NTRK3: variants seen among roughly 807,000 people sequenced by gnomAD.
NTRK3 encodes the protein NT-3 growth factor receptor.
NTRK3 carries 24 observed loss-of-function variants against 91.7 expected under a neutral mutation model. The ratio of observed to expected loss-of-function variants is 0.26; its 90% CI spans 0.19 to 0.37. The LOEUF is 0.37. Ranked by LOEUF, NTRK3 falls within the 10% of genes least tolerant of loss-of-function variation. The pLI, the probability that NTRK3 is intolerant of heterozygous loss-of-function variation, is 1.00. For missense variants in NTRK3, 880 were observed against 1,068.9 expected, an observed-to-expected ratio of 0.82 and a Z score of 2.46; for synonymous variants, 483 against 404.0, an observed-to-expected ratio of 1.20 and a Z score of -2.34.
intron 5 of NTRK3, among the ~76,000 whole-genome samples, chr15:88,177,999 G>C (rs2151564274): frequency 6.6e-6 from 1 of 152,286 alleles, no homozygotes; most frequent in East Asian, 1.9e-4. Flanking sequence ...AAAGATCTAG[G>C]ATTTGAACCC....
At position 88,059,049 on chromosome 15, in the gene NTRK3, A is replaced by AACACACAC. The variant is rs56706510; in HGVS notation, c.1397-26012_1397-26005dup. ...GGCCCCTTTATTTCACTCACACACAAACACACACACACACACACACACACA... is the reference window on the plus strand; with the variant it reads ...GGCCCCTTTATTTCACTCACACACAAACACACACACACACACACACACACACACACACA... On this transcript the variant is annotated intron_variant, in intron 13 of 18. Coordinates refer to ENST00000394480, the Ensembl canonical transcript of NTRK3. Among the ~76,000 whole-genome samples the AACACACAC allele has an allele frequency of 5.1e-3, 741 of 144,712 alleles. 8 individuals are homozygous for AACACACAC. Among genetic ancestry groups the AACACACAC allele is most frequent in the African/African-American group, 0.018 (696 of 38,950 alleles). 94.9% of individuals were successfully genotyped at this position (144,712 alleles called of 152,430 possible).
intron 5 of NTRK3, among the ~76,000 whole-genome samples, chr15:88,178,444 A>G (rs996011998): frequency 6.6e-6 from 1 of 152,192 alleles, no homozygotes; most frequent in African/African-American, 2.4e-5. Context: ...CTTTGCAAAC[A>G]TAACACAGTT....
At chr15:88,105,798 G>A (rs1307133673) in intron 13 of NTRK3, among the ~76,000 whole-genome samples, 4 of 152,122 alleles carry the variant, frequency 2.6e-5, no homozygotes, top group South Asian at 2.1e-4. Context: ...CATGGACCAC[G>A]TGGAGTCCCT....
At chr15:87,906,050 C>A (rs1035479848) in intron 17 of NTRK3, among the ~76,000 whole-genome samples, 1 of 152,200 alleles carries the variant, frequency 6.6e-6, no homozygotes, top group African/African-American at 2.4e-5. Context: ...CCAGTGAGTC[C>A]TTTTCTTACT....
At position 88,056,198 on chromosome 15, in the gene NTRK3, ATATATTTT is replaced by A. The variant is rs1320596778; in HGVS notation, c.1397-23161_1397-23154del. On this transcript the variant is annotated intron_variant, in intron 13 of 18. Transcript: ENST00000394480. ...TTCATATATATATATATATATATAT[ATATATTTT>A]TTTTTTAATGTAGAACCTTGATCAT... Among the ~76,000 whole-genome samples the A allele has an allele frequency of 7.0e-3, 680 of 96,808 alleles. 10 individuals are homozygous for A. Among genetic ancestry groups the A allele is most frequent in the African/African-American group, 0.024 (622 of 25,474 alleles). 63.5% of individuals were successfully genotyped at this position (96,808 alleles called of 152,430 possible). A position where few individuals can be genotyped will look rare whatever the true frequency, so the allele number is the denominator to read the frequency against.
At chr15:88,140,745 T>C (rs1450075497) in intron 6 of NTRK3, among the ~76,000 whole-genome samples, 1 of 152,242 alleles carries the variant, frequency 6.6e-6, no homozygotes, top group Non-Finnish European at 1.5e-5. Context: ...GGCTCAGTGT[T>C]ACTATGAAAA....
At chr15:88,134,157 G>C (rs7165979) in intron 10 of NTRK3, among the ~76,000 whole-genome samples, 47,247 of 152,070 alleles carry the variant, frequency 0.31, 7,739 homozygotes, top group African/African-American at 0.42. Flanking sequence ...CTGATTCCTA[G>C]GGATTGAAGA....
intron 13 of NTRK3, among the ~76,000 whole-genome samples, chr15:88,102,943 C>A (rs554893542): frequency 2.0e-5 from 3 of 152,274 alleles, no homozygotes; most frequent in African/African-American, 4.8e-5. Flanking sequence ...TGACTCACAG[C>A]CTTTGGTAGT....
At chr15:87,935,513 A>G (rs547004909) in intron 15 of NTRK3, among the ~76,000 whole-genome samples, 16 of 152,316 alleles carry the variant, frequency 1.1e-4, no homozygotes, top group African/African-American at 3.8e-4. Flanking sequence ...CTTGAGCTGT[A>G]TGGGCTGGGT....
At chr15:87,900,690 G>GTGT (rs2066395826) in intron 17 of NTRK3, among the ~76,000 whole-genome samples, 1 of 138,242 alleles carries the variant, frequency 7.2e-6, no homozygotes, top group Non-Finnish European at 1.6e-5. Flanking sequence ...CTTTACAGAG[G>GTGT]GTGTGTGTGT....
intron 3 of NTRK3, among the ~76,000 whole-genome samples, chr15:88,238,925 G>A (rs561676355): frequency 6.6e-6 from 1 of 152,338 alleles, no homozygotes; most frequent in African/African-American, 2.4e-5. Flanking sequence ...TGTGGCCTTA[G>A]ACAAGCTCTT....
intron 3 of NTRK3, among the ~76,000 whole-genome samples, chr15:88,198,865 T>C (rs923714658): frequency 1.6e-4 from 24 of 152,094 alleles, no homozygotes; most frequent in African/African-American, 9.7e-5. Flanking sequence ...TGAGGAGAGA[T>C]GCTGACTGAC....
intron 17 of NTRK3, among the ~76,000 whole-genome samples, chr15:87,887,620 T>C (rs1318106884): frequency 2.6e-5 from 4 of 152,150 alleles, no homozygotes; most frequent in Non-Finnish European, 5.9e-5. Flanking sequence ...ATGCTGATCT[T>C]CCTCCAAGGT....
intron 14 of NTRK3, among the ~76,000 whole-genome samples, chr15:87,998,814 G>A (rs968008491): frequency 5.3e-5 from 8 of 152,114 alleles, no homozygotes; most frequent in African/African-American, 1.7e-4. Flanking sequence ...AATGTCAAGT[G>A]AGATTTGTTC....
intron 13 of NTRK3, among the ~76,000 whole-genome samples, chr15:88,042,421 C>G (rs1246928333): frequency 6.6e-6 from 1 of 152,210 alleles, no homozygotes; most frequent in East Asian, 1.9e-4. Flanking sequence ...CCTCCCCTCT[C>G]TGCCTCCTCC....
At chr15:88,110,839 T>C (rs996097081) in intron 13 of NTRK3, among the ~76,000 whole-genome samples, 1 of 152,026 alleles carries the variant, frequency 6.6e-6, no homozygotes, top group African/African-American at 2.4e-5. Flanking sequence ...CAATTTTCAT[T>C]TCAAAGTCCT....
intron 6 of NTRK3, among the ~76,000 whole-genome samples, chr15:88,140,301 T>C (rs1306093357): frequency 6.6e-6 from 1 of 152,222 alleles, no homozygotes; most frequent in African/African-American, 2.4e-5. Context: ...CGTACAGTTG[T>C]GTAGTTTGAG....
chr15:87,978,176 C>A, intron 14 of NTRK3: 1 of 230,412 alleles, frequency 4.3e-6, no homozygotes, highest in Admixed American at 5.7e-5. Context: ...GGGAAAGTCA[C>A]CCCCTTCCCT....
intron 14 of NTRK3, among the ~76,000 whole-genome samples, chr15:88,014,050 G>A (rs1029275660): frequency 3.3e-5 from 5 of 152,120 alleles, no homozygotes; most frequent in Non-Finnish European, 7.4e-5. Flanking sequence ...ACAAAATATC[G>A]CTCCAAAGGA....
Sources: allele counts gnomAD v4.1 joint callset (sites outside exome capture counted in the v4.1 genomes callset), GRCh38; gene constraint gnomAD v4.1.1; transcripts MANE v1.5; gene names NCBI Gene and HGNC (gene_info 2026-07-23, HGNC 2026-07-21).